TXLNB: variants seen among roughly 807,000 people sequenced by gnomAD.
The protein encoded by TXLNB is beta-taxilin.
In TXLNB, 37 loss-of-function variants were observed where a neutral mutation model predicts 57.4. That is an observed-to-expected ratio of 0.64 (90% CI 0.50 to 0.85). TXLNB has a LOEUF of 0.85. TXLNB is among the 40% of genes least tolerant of loss of function. TXLNB has a pLI of 0.00. For synonymous variants in TXLNB, 302 were observed against 309.6 expected (o/e 0.98, Z 0.26); for missense variants, 848 against 825.6 (o/e 1.03, Z -0.33).
the TXLNB span, among the ~76,000 whole-genome samples, chr6:139,163,574 G>A: frequency 1.2e-3 from 176 of 152,054 alleles, no homozygotes; most frequent in Middle Eastern, 0.01. Context: ...GGCTAGTATC[G>A]AACTCCTGAC....
chr6:139,305,696 G>T, the TXLNB span, among the ~76,000 whole-genome samples: 1 of 152,196 alleles, frequency 6.6e-6, no homozygotes, highest in African/African-American at 2.4e-5. Flanking sequence ...TAGGTACTAT[G>T]TATAATGTTA....
the TXLNB span, among the ~76,000 whole-genome samples, chr6:139,312,819 G>T: frequency 6.6e-6 from 1 of 152,192 alleles, no homozygotes; most frequent in Non-Finnish European, 1.5e-5. Context: ...GTACTGAGGA[G>T]AGGATGACTG....
chr6:139,253,528 G>T (rs1776261711), intron 7 of TXLNB, among the ~76,000 whole-genome samples: 2 of 152,008 alleles, frequency 1.3e-5, no homozygotes, highest in African/African-American at 4.8e-5. Flanking sequence ...GTTCCATAGA[G>T]GTTTAGGTGG....
intron 7 of TXLNB, among the ~76,000 whole-genome samples, chr6:139,254,183 T>C (rs1477394027): frequency 6.6e-6 from 1 of 152,232 alleles, no homozygotes. Flanking sequence ...ATTGCTTTGC[T>C]ATATATGCAT....
the TXLNB span, among the ~76,000 whole-genome samples, chr6:139,163,226 C>T: frequency 6.6e-6 from 1 of 152,198 alleles, no homozygotes; most frequent in Non-Finnish European, 1.5e-5. Context: ...AGTGAGGTTG[C>T]TGCTAGCTGC....
At chr6:139,249,689 G>A (rs546744002) in intron 7 of TXLNB, among the ~76,000 whole-genome samples, 7 of 152,212 alleles carry the variant, frequency 4.6e-5, no homozygotes, top group African/African-American at 1.7e-4. Flanking sequence ...TCTAGAATGG[G>A]TTTTCCCCAA....
chr6:139,172,822 C>T, the TXLNB span, among the ~76,000 whole-genome samples: 1 of 152,190 alleles, frequency 6.6e-6, no homozygotes, highest in Non-Finnish European at 1.5e-5. Context: ...GTGGGAGCAA[C>T]AGTAATGTCT....
chr6:139,199,116 C>T, the TXLNB span, among the ~76,000 whole-genome samples: 1 of 152,006 alleles, frequency 6.6e-6, no homozygotes, highest in Non-Finnish European at 1.5e-5. Flanking sequence ...CTACAGGGCC[C>T]ATGTTGTTAG....
the TXLNB span, among the ~76,000 whole-genome samples, chr6:139,233,454 T>G: frequency 6.7e-6 from 1 of 149,588 alleles, no homozygotes; most frequent in Admixed American, 6.7e-5. Flanking sequence ...TAGATATTTT[T>G]TTTGAGACAG....
rs1287210109 is a variant in TXLNB at position 139,285,187 on chromosome 6, C to A, written c.424+3289G>T. Among the ~76,000 whole-genome samples, 2 of 143,118 alleles carry A rather than the reference C, an allele frequency of 1.4e-5. 1 individual carries two copies. Among genetic ancestry groups the A allele is most frequent in the Non-Finnish European group, 3.1e-5 (2 of 64,700 alleles). 93.9% of individuals were successfully genotyped at this position (143,118 alleles called of 152,430 possible). On this transcript the variant is annotated intron_variant, in intron 2 of 9. Coordinates refer to ENST00000358430, the MANE Select transcript of TXLNB (RefSeq NM_153235.4). Reference sequence around the variant, plus strand: ...GGTTAATGCAGATTATGAAATAACTCATGGAAGAGAGTAGAAACCCAAATT... The same window carrying A: ...GGTTAATGCAGATTATGAAATAACTAATGGAAGAGAGTAGAAACCCAAATT...
At chr6:139,278,117 A>G (rs6570322) in intron 2 of TXLNB, among the ~76,000 whole-genome samples, 24,713 of 152,176 alleles carry the variant, frequency 0.16, 4,263 homozygotes, top group African/African-American at 0.44. Context: ...TCTAGAAGGA[A>G]TTTCAAAGAG....
At chr6:139,276,366 T>C (rs967377693) in intron 3 of TXLNB, among the ~76,000 whole-genome samples, 10 of 152,250 alleles carry the variant, frequency 6.6e-5, no homozygotes, top group Admixed American at 5.9e-4. Context: ...CTACTATTAG[T>C]ATGAATTTTT....
the TXLNB span, among the ~76,000 whole-genome samples, chr6:139,302,688 C>T: frequency 1.0e-4 from 15 of 150,564 alleles, no homozygotes; most frequent in East Asian, 2.9e-3. Context: ...GAGGCTGAGG[C>T]AAGAGAATCA....
downstream of TXLNB, chr6:139,239,413 C>T (rs1442015786): frequency 6.6e-6 from 1 of 152,358 alleles, no homozygotes; most frequent in African/African-American, 2.4e-5. This position sits in a 1 kb window ranked among gnomAD's most constrained non-coding sequence, Gnocchi z 4.7. Flanking sequence ...ACTGCAGAGC[C>T]AGGCAGAGGA....
At chr6:139,169,867 A>G in the TXLNB span, 2 of 152,316 alleles carry the variant, frequency 1.3e-5, no homozygotes, top group African/African-American at 2.4e-5. Context: ...CCAGGTTCAG[A>G]TGATGCTGAA....
chr6:139,247,964 C>T, intron 7 of TXLNB, 55 bp from the exon 8 acceptor site: 2 of 1,038,706 alleles, frequency 1.9e-6, no homozygotes, highest in Non-Finnish European at 2.9e-6. Context: ...GAAAACATGT[C>T]ATTGTTCATT....
At chr6:139,189,576 C>G in the TXLNB span, among the ~76,000 whole-genome samples, 5 of 152,102 alleles carry the variant, frequency 3.3e-5, no homozygotes, top group Admixed American at 6.6e-5. Context: ...TAAGAAAGGT[C>G]TGAAATAAAT....
At chr6:139,266,524 C>G (rs1200255885) in intron 4 of TXLNB, among the ~76,000 whole-genome samples, 2 of 151,898 alleles carry the variant, frequency 1.3e-5, no homozygotes, top group African/African-American at 2.4e-5. Context: ...GAAGATAGAC[C>G]AATCAAAATA....
chr6:139,200,440 C>T, the TXLNB span, among the ~76,000 whole-genome samples: 3 of 152,260 alleles, frequency 2.0e-5, no homozygotes, highest in South Asian at 6.2e-4. Context: ...AAAGGACCTC[C>T]ATGTTTAGCG....
Sources: allele counts gnomAD v4.1 joint callset (sites outside exome capture counted in the v4.1 genomes callset), GRCh38; gene constraint gnomAD v4.1.1; non-coding constraint Gnocchi (gnomAD v3.1); transcripts MANE v1.5; gene names NCBI Gene and HGNC (gene_info 2026-07-23, HGNC 2026-07-21).